TTC23L: variants seen among roughly 807,000 people sequenced by gnomAD.
TTC23L encodes tetratricopeptide repeat domain 23 like, also known as tetratricopeptide repeat protein 23-like.
Under a neutral mutation model 48.1 loss-of-function variants are expected in TTC23L, and 42 were observed. That is an observed-to-expected ratio of 0.87 (90% CI 0.68 to 1.13). The LOEUF is 1.13. Ranked by LOEUF, TTC23L falls within the 50% of genes most tolerant of loss-of-function variation. The pLI, the probability that TTC23L is intolerant of heterozygous loss-of-function variation, is 0.00. For missense variants in TTC23L, 391 were observed against 421.0 expected, an observed-to-expected ratio of 0.93 and a Z score of 0.62; for synonymous variants, 159 against 157.2, an observed-to-expected ratio of 1.01 and a Z score of -0.09.
At chr5:34,842,184 C>T (rs1758737275) in intron 2 of TTC23L, among the ~76,000 whole-genome samples, 1 of 152,118 alleles carries the variant, frequency 6.6e-6, no homozygotes, top group Non-Finnish European at 1.5e-5. Flanking sequence ...TATTTTATTT[C>T]AATATATACA....
intron 2 of TTC23L, 54 bp downstream of exon 2, chr5:34,840,793 GACCTCCTGCTTAAGGCAA>G (rs1758595122): frequency 6.4e-7 from 1 of 1,555,804 alleles, no homozygotes. Flanking sequence ...GAAACACTGG[GACCTCCTGCTTAAGGCAA>G]ACCTGGGTGA....
the TTC23L span, chr5:34,908,995 T>G: frequency 2.8e-6 from 4 of 1,448,880 alleles, no homozygotes; most frequent in Admixed American, 6.5e-5. Context: ...CAGTGAACAC[T>G]GCTCAGAACT....
At chr5:34,839,465 A>G (rs913202895) in intron 1 of TTC23L, 2 of 200,408 alleles carry the variant, frequency 1.0e-5, no homozygotes, top group African/African-American at 4.7e-5. Flanking sequence ...CCGCAGAACC[A>G]CAGCGGGAAA....
chr5:34,900,017 A>G (rs1763459326), downstream of TTC23L, among the ~76,000 whole-genome samples: 1 of 152,154 alleles, frequency 6.6e-6, no homozygotes, highest in South Asian at 2.1e-4. Flanking sequence ...ATTACCTTCC[A>G]TTTCCCTTTT....
chr5:34,844,664 T>C (rs1352153846), intron 2 of TTC23L, among the ~76,000 whole-genome samples: 2 of 152,230 alleles, frequency 1.3e-5, no homozygotes, highest in Non-Finnish European at 2.9e-5. Context: ...TTTTGAGTTA[T>C]TGTGAGTATA....
At chr5:34,901,590 C>T (rs1763513099), downstream of TTC23L, among the ~76,000 whole-genome samples, 1 of 152,090 alleles carries the variant, frequency 6.6e-6, no homozygotes, top group African/African-American at 2.4e-5. Context: ...TGGAGAAACC[C>T]TGTCTCTACT....
At chr5:34,907,800 TTTGGTGA>T in the TTC23L span, 13 of 152,356 alleles carry the variant, frequency 8.5e-5, no homozygotes, top group African/African-American at 3.1e-4. Flanking sequence ...TTCAGACTTG[TTTGGTGA>T]TGCCTCAACT....
chr5:34,888,374 TG>T, intron 9 of TTC23L: 1 of 451,068 alleles, frequency 2.2e-6, no homozygotes, highest in Non-Finnish European at 2.9e-6. Context: ...TCAGTTCCGC[TG>T]GTCCTTTCCT....
downstream of TTC23L, among the ~76,000 whole-genome samples, chr5:34,900,418 T>G (rs148883434): frequency 5.3e-3 from 799 of 151,870 alleles, 4 homozygotes; most frequent in Middle Eastern, 0.014. Context: ...GGCAGACTGC[T>G]TGAGCCCAGG....
At position 34,867,077 on chromosome 5, in the gene TTC23L, G is replaced by A. The variant is rs530329046; in HGVS notation, c.840+8G>A. The A allele has an allele frequency of 3.7e-6, 6 of 1,607,108 alleles. No individual in the cohort carries two copies. Among genetic ancestry groups the A allele is most frequent in the East Asian group, 4.5e-5 (2 of 44,530 alleles). On this transcript the variant is annotated splice_region_variant and intron_variant, in intron 7 of 10. Transcript: ENST00000505624. ...ATCCAGTACTTGCAGCAGGTCAGTG[G>A]GTTGGCCAGAGCCCAGGCTGGGTTG...
At chr5:34,918,383 A>G in the TTC23L span, 1 of 1,551,922 alleles carries the variant, frequency 6.4e-7, no homozygotes, top group Non-Finnish European at 8.9e-7. Context: ...AAAAATAAGG[A>G]ACGGATTCTC....
intron 8 of TTC23L, among the ~76,000 whole-genome samples, chr5:34,875,227 A>C (rs1289484580): frequency 6.6e-6 from 1 of 152,214 alleles, no homozygotes; most frequent in Non-Finnish European, 1.5e-5. Context: ...GAACTGTAAG[A>C]AGAAATAGAT....
chr5:34,892,326 A>G (rs960525352), intron 9 of TTC23L, among the ~76,000 whole-genome samples: 4 of 152,188 alleles, frequency 2.6e-5, no homozygotes, highest in Non-Finnish European at 5.9e-5. Flanking sequence ...GGCTCCTTGA[A>G]ATCAGAGTTA....
At chr5:34,914,713 T>C in the TTC23L span, 1 of 1,614,258 alleles carries the variant, frequency 6.2e-7, no homozygotes, top group South Asian at 1.1e-5. Context: ...AAGCATTTGC[T>C]TGCACACACT....
At chr5:34,843,769 A>G (rs148811688) in intron 2 of TTC23L, among the ~76,000 whole-genome samples, 9 of 152,222 alleles carry the variant, frequency 5.9e-5, no homozygotes, top group African/African-American at 1.4e-4. Context: ...TCTCTCCTCA[A>G]TATTTTTCAA....
chr5:34,862,854 T>TA, intron 4 of TTC23L, 44 bp from the exon 5 acceptor site: 2 of 1,609,468 alleles, frequency 1.2e-6, no homozygotes, highest in Non-Finnish European at 1.7e-6. Context: ...AAGCATGCCT[T>TA]TTTAATGTCT....
the TTC23L span, among the ~76,000 whole-genome samples, chr5:34,904,831 C>T: frequency 6.6e-6 from 1 of 152,124 alleles, no homozygotes; most frequent in East Asian, 1.9e-4. Context: ...AGGGTACAGG[C>T]CACAGGGTTT....
chr5:34,915,072 G>A, the TTC23L span: 1 of 611,324 alleles, frequency 1.6e-6, no homozygotes, highest in Non-Finnish European at 2.9e-6. Context: ...TGACCAGGCC[G>A]AACCCCACCT....
chr5:34,860,142 C>T (rs367594505), intron 4 of TTC23L, among the ~76,000 whole-genome samples: 50 of 152,174 alleles, frequency 3.3e-4, no homozygotes, highest in South Asian at 3.1e-3. Flanking sequence ...CCACTGTGCC[C>T]GGGCTGCTTA....
Sources: allele counts gnomAD v4.1 joint callset (sites outside exome capture counted in the v4.1 genomes callset), GRCh38; gene constraint gnomAD v4.1.1; transcripts MANE v1.5; gene names NCBI Gene and HGNC (gene_info 2026-07-23, HGNC 2026-07-21).